Variants in RNF19A observed in about 807,000 individuals in gnomAD.
RNF19A encodes the protein E3 ubiquitin-protein ligase RNF19A.
RNF19A carries 32 observed loss-of-function variants against 75.7 expected under a neutral mutation model. The ratio of observed to expected loss-of-function variants is 0.42; its 90% CI spans 0.32 to 0.57. RNF19A has a LOEUF of 0.57. Ranked by LOEUF, RNF19A falls within the 20% of genes least tolerant of loss-of-function variation. The pLI, the probability that RNF19A is intolerant of heterozygous loss-of-function variation, is 0.10. For synonymous variants in RNF19A, 335 were observed against 345.2 expected (o/e 0.97, Z 0.33); for missense variants, 782 against 1,036.3 (o/e 0.75, Z 3.37).
At chr8:100,273,086 C>T (rs28612810) in intron 3 of RNF19A, among the ~76,000 whole-genome samples, 8,856 of 150,154 alleles carry the variant, frequency 0.059, 858 homozygotes, top group African/African-American at 0.2. Context: ...AGGCTGGTCT[C>T]GAACTCCTGG....
At chr8:100,294,202 T>C (rs1334505723) in intron 1 of RNF19A, among the ~76,000 whole-genome samples, 1 of 152,210 alleles carries the variant, frequency 6.6e-6, no homozygotes, top group Non-Finnish European at 1.5e-5. Flanking sequence ...CTGTAGTCTC[T>C]TGTCTTCTCC....
At chr8:100,290,251 C>T (rs756750907) in intron 1 of RNF19A, among the ~76,000 whole-genome samples, 27 of 152,202 alleles carry the variant, frequency 1.8e-4, no homozygotes, top group Non-Finnish European at 3.1e-4. Flanking sequence ...TACAGGCATG[C>T]GCCACCATGC....
At chr8:100,263,960 G>T in intron 7 of RNF19A, 74 bp downstream of exon 7, 2 of 1,256,514 alleles carry the variant, frequency 1.6e-6, no homozygotes, top group Non-Finnish European at 2.2e-6. Flanking sequence ...ATTCTGAGTT[G>T]CATGTTATCT....
intron 1 of RNF19A, among the ~76,000 whole-genome samples, chr8:100,293,940 C>G (rs1457027663): frequency 6.6e-6 from 1 of 152,162 alleles, no homozygotes; most frequent in Non-Finnish European, 1.5e-5. Flanking sequence ...TCTATAACAT[C>G]TATTGTTCTT....
intron 5 of RNF19A, among the ~76,000 whole-genome samples, chr8:100,267,040 CA>C (rs1233003823): frequency 6.6e-6 from 1 of 152,068 alleles, no homozygotes; most frequent in African/African-American, 2.4e-5. Flanking sequence ...ATAAAGGAAA[CA>C]AAAGGAAACA....
intron 1 of RNF19A, among the ~76,000 whole-genome samples, chr8:100,318,666 A>G (rs1038280093): frequency 7.9e-5 from 12 of 152,246 alleles, no homozygotes; most frequent in African/African-American, 2.9e-4. Context: ...TTCCAAACAA[A>G]AGCAAACAAA....
chr8:100,297,363 G>A (rs574704786), intron 1 of RNF19A, among the ~76,000 whole-genome samples: 1 of 152,156 alleles, frequency 6.6e-6, no homozygotes, highest in South Asian at 2.1e-4. Context: ...TGTTCAGAAA[G>A]GACCTCTCTG....
At chr8:100,285,969 A>G (rs1366200458) in intron 2 of RNF19A, among the ~76,000 whole-genome samples, 2 of 152,120 alleles carry the variant, frequency 1.3e-5, no homozygotes, top group Non-Finnish European at 2.9e-5. Context: ...TGTTATAATG[A>G]CTCACAAAAA....
intron 1 of RNF19A, among the ~76,000 whole-genome samples, chr8:100,300,337 T>C (rs1220602440): frequency 1.3e-5 from 2 of 152,212 alleles, no homozygotes; most frequent in Non-Finnish European, 2.9e-5. Context: ...GTTACGGTTT[T>C]CTTACTGAGA....
intron 1 of RNF19A, among the ~76,000 whole-genome samples, chr8:100,291,967 C>CTTTTTT (rs56737985): frequency 1.0e-5 from 1 of 99,990 alleles, no homozygotes; most frequent in Non-Finnish European, 1.9e-5. Flanking sequence ...AGGACTAAGT[C>CTTTTTT]TTTTTTTTTT....
In RNF19A at chr8:100,288,055, T is replaced by A. The variant is rs1821111115; in HGVS notation, c.120A>T (p.Ser40=). ...LDMSLHRQMG[S]DRDLQSSASS... ...AAGCAGAGGACTGAAGATCTCGATC[T>A]GAACCCATTTGCCGATGTAAACTCA... The change falls in exon 2 of 10, where the codon TCA becomes TCT. Residue 40 remains serine (S), a synonymous_variant. Coordinates refer to ENST00000341084, the MANE Select transcript of RNF19A (RefSeq NM_183419.4). 1 of 1,614,100 alleles carries A rather than the reference T, an allele frequency of 6.2e-7. No individual in the cohort carries two copies. The highest frequency in any genetic ancestry group is 1.1e-5 in the South Asian group (1 of 91,092).
In RNF19A at chr8:100,275,341, A is replaced by G. The variant is rs1820453644; in HGVS notation, c.675-180T>C. On this transcript the variant is annotated intron_variant, in intron 2 of 9. Coordinates refer to ENST00000341084, the MANE Select transcript of RNF19A (RefSeq NM_183419.4). The surrounding 1 kb of genome is among the most constrained non-coding windows in gnomAD (Gnocchi z 4.3). The stretch of plus-strand genomic sequence containing the variant: ...GAAAATGAAGTTTACAAATGAAGAT[A>G]TATAAATGGTGTAAAATATTTTAAA... 6.6e-6 allele frequency among the ~76,000 whole-genome samples: 1 copy of G among 152,162 alleles called. No individual in the cohort carries two copies. The highest frequency in any genetic ancestry group is 6.5e-5 in the Admixed American group (1 of 15,274).
intron 1 of RNF19A, among the ~76,000 whole-genome samples, chr8:100,294,963 T>C (rs1025851630): frequency 7.2e-5 from 11 of 152,214 alleles, no homozygotes; most frequent in African/African-American, 2.4e-4. Flanking sequence ...TGTATAAGTA[T>C]TAATTCATTT....
chr8:100,264,148 T>C lies in RNF19A; in HGVS notation c.1354A>G (p.Ile452Val), dbSNP rs1396280571. The C allele has an allele frequency of 6.2e-7, 1 of 1,613,692 alleles. No individual in the cohort carries two copies. Among genetic ancestry groups the C allele is most frequent in the Non-Finnish European group, 8.5e-7 (1 of 1,179,746 alleles). The change falls in exon 7 of 10, where the codon ATT becomes GTT. Residue 452 changes from isoleucine (I) to valine (V), a missense_variant. Transcript: ENST00000341084. The surrounding 1 kb of genome is among the most constrained non-coding windows in gnomAD (Gnocchi z 4.7). ...MLAYVYGVVP[I>V]SLCRSGGCGV... is the part of the protein sequence containing the mutation. ...CAACCTCCGCTTCGACAAAGAGAAA[T>C]TGGAACTACGCCATAGACATAAGCT...
rs1176140039 is a variant in RNF19A, at chr8:100,275,975, GT to G, written c.675-815del. ...TCCTGCCAAAAAATAAAAAAAAACT[GT>G]TTTTTTTTCCTTCGGATTAAAGACT... On this transcript the variant is annotated intron_variant, in intron 2 of 9. Coordinates refer to ENST00000341084, the MANE Select transcript of RNF19A (RefSeq NM_183419.4). The surrounding 1 kb of genome is among the most constrained non-coding windows in gnomAD (Gnocchi z 4.3). Among the ~76,000 whole-genome samples, 791 of 149,926 alleles carry G rather than the reference GT, an allele frequency of 5.3e-3. 6 individuals are homozygous for G. The highest frequency in any genetic ancestry group is 0.018 in the African/African-American group (755 of 40,838).
chr8:100,327,976 C>A (rs80274458), intron 1 of RNF19A, among the ~76,000 whole-genome samples: 3 of 152,204 alleles, frequency 2.0e-5, no homozygotes, highest in African/African-American at 7.2e-5. Context: ...AACAGGTAGG[C>A]TCTTCAAGTG....
At position 100,257,925 on chromosome 8, in the gene RNF19A, C is replaced by A. The variant is rs568276084; in HGVS notation, c.*631G>T. On this transcript the variant is annotated 3_prime_UTR_variant, in exon 10 of 10. Coordinates refer to ENST00000341084, the MANE Select transcript of RNF19A (RefSeq NM_183419.4). ...CCTCTAAGATGGCATCAACAATAAA[C>A]AAGATAGAGTACCAGGTATTTCTAT... 318 of 398,364 alleles carry A rather than the reference C, an allele frequency of 8.0e-4. No homozygotes were observed. Among genetic ancestry groups the A allele is most frequent in the South Asian group, 1.5e-3 (12 of 7,820 alleles). The allele number at this position is 398,364 out of a possible 1,614,324, so 24.7% of individuals were successfully genotyped here.
At position 100,259,338 on chromosome 8, in the gene RNF19A, CTA is replaced by C. The variant is rs1051719388; in HGVS notation, c.1827-94_1827-93del. On this transcript the variant is annotated intron_variant, in intron 9 of 9. Coordinates refer to ENST00000341084, the MANE Select transcript of RNF19A (RefSeq NM_183419.4). The surrounding 1 kb of genome is among the most constrained non-coding windows in gnomAD (Gnocchi z 4.5). ...AGGGTTTCTATGTGGAAAATTCAGA[CTA>C]TATATAAGCTATGAGAACACCTTAA... 2.0e-6 allele frequency: 2 copies of C among 1,002,798 alleles called. No individual in the cohort carries two copies. The highest frequency in any genetic ancestry group is 3.0e-6 in the Non-Finnish European group (2 of 676,796). 62.1% of individuals were successfully genotyped at this position (1,002,798 alleles called of 1,614,324 possible).
rs201672696 is a variant in RNF19A at position 100,296,039 on chromosome 8, CA to C, written c.-93-7773del. Among the ~76,000 whole-genome samples, 987 of 152,332 alleles carry C rather than the reference CA, an allele frequency of 6.5e-3. 5 individuals are homozygous for C. Among genetic ancestry groups the C allele is most frequent in the Non-Finnish European group, 0.01 (695 of 68,034 alleles). Reference sequence around the variant, plus strand: ...TTCCTCTAATAAATTGATTCCCCAACATAACTACCAAATTCGGATACCAAGC... The same window carrying C: ...TTCCTCTAATAAATTGATTCCCCAACTAACTACCAAATTCGGATACCAAGC... On this transcript the variant is annotated intron_variant, in intron 1 of 9. Coordinates refer to ENST00000341084, the MANE Select transcript of RNF19A (RefSeq NM_183419.4).
Sources: gnomAD v4.1 joint callset for allele counts (sites outside exome capture counted in the v4.1 genomes callset) on GRCh38, gnomAD v4.1.1 for gene constraint, Gnocchi (gnomAD v3.1) non-coding constraint, MANE v1.5 for transcripts, NCBI Gene and HGNC (gene_info 2026-07-23, HGNC 2026-07-21) for gene names.